PCDHA9: variants seen among roughly 807,000 people sequenced by gnomAD.
PCDHA9 encodes the protein protocadherin alpha-9.
A neutral mutation model predicts 62.0 loss-of-function variants in PCDHA9; 62 were observed. The ratio of observed to expected loss-of-function variants is 1.00; its 90% CI spans 0.81 to 1.23. The LOEUF (loss-of-function observed/expected upper bound fraction) is 1.23, where lower values mean the gene tolerates loss of function less well. Ranked by LOEUF, PCDHA9 falls within the 50% of genes most tolerant of loss-of-function variation. PCDHA9 has a pLI of 0.00. For missense variants in PCDHA9, 1,205 were observed against 1,249.8 expected (o/e 0.96, Z 0.54); for synonymous variants, 557 against 567.6 (o/e 0.98, Z 0.27).
intron 1 of PCDHA9, among the ~76,000 whole-genome samples, chr5:140,939,231 G>A (rs1305244022): frequency 6.6e-6 from 1 of 152,134 alleles, no homozygotes; most frequent in East Asian, 1.9e-4. Context: ...TCACCTTCTG[G>A]AAGGAGCAAG....
intron 3 of PCDHA9, among the ~76,000 whole-genome samples, chr5:140,994,821 T>C (rs2097651680): frequency 6.6e-6 from 1 of 152,052 alleles, no homozygotes. Flanking sequence ...AAAAACTGAA[T>C]TGTGTAGTCT....
chr5:140,911,420 C>T (rs1411930717), intron 1 of PCDHA9, among the ~76,000 whole-genome samples: 1 of 152,134 alleles, frequency 6.6e-6, no homozygotes, highest in Non-Finnish European at 1.5e-5. Context: ...ATGATAAGAA[C>T]TTGTGTCCAA....
chr5:140,900,768 T>A (rs1554189412), intron 1 of PCDHA9, among the ~76,000 whole-genome samples: 2 of 152,192 alleles, frequency 1.3e-5, no homozygotes, highest in Non-Finnish European at 1.5e-5. Context: ...TATTTTTGGC[T>A]TTTTGAGGAA....
At chr5:140,917,370 C>T (rs571895312) in intron 1 of PCDHA9, among the ~76,000 whole-genome samples, 1 of 150,338 alleles carries the variant, frequency 6.7e-6, no homozygotes, top group Non-Finnish European at 1.5e-5. Context: ...CTATCTTGCT[C>T]CACCTCAATA....
intron 1 of PCDHA9, among the ~76,000 whole-genome samples, chr5:140,974,022 A>G (rs1348109814): frequency 2.0e-5 from 3 of 152,248 alleles, no homozygotes; most frequent in African/African-American, 4.8e-5. Context: ...TGATAATACA[A>G]CTATAAATTT....
intron 1 of PCDHA9, among the ~76,000 whole-genome samples, chr5:140,873,284 T>C (rs1554166661): frequency 1.3e-5 from 2 of 152,208 alleles, no homozygotes; most frequent in Non-Finnish European, 2.9e-5. Context: ...ATACCACTTA[T>C]GAAACTTTAT....
chr5:140,911,343 C>G (rs1223805451), intron 1 of PCDHA9, among the ~76,000 whole-genome samples: 1 of 152,136 alleles, frequency 6.6e-6, no homozygotes, highest in African/African-American at 2.4e-5. Flanking sequence ...CAATCAATGC[C>G]CTCATTTCAA....
At chr5:140,896,346 G>A (rs1466880160) in intron 1 of PCDHA9, among the ~76,000 whole-genome samples, 17 of 151,992 alleles carry the variant, frequency 1.1e-4, no homozygotes, top group African/African-American at 3.4e-4. Flanking sequence ...TTATATTCCC[G>A]CCAGCAGTGT....
At chr5:140,973,088 A>G (rs2096571573) in intron 1 of PCDHA9, among the ~76,000 whole-genome samples, 4 of 152,204 alleles carry the variant, frequency 2.6e-5, no homozygotes, top group African/African-American at 7.2e-5. Flanking sequence ...CTGGCACAAC[A>G]TGTAGAAATT....
At chr5:140,944,344 C>T (rs567913669) in intron 1 of PCDHA9, among the ~76,000 whole-genome samples, 5 of 152,238 alleles carry the variant, frequency 3.3e-5, no homozygotes, top group Admixed American at 2.0e-4. Context: ...CGTGCCACCA[C>T]ACCTGGCTAA....
chr5:140,858,944 T>TA (rs2045667793), intron 1 of PCDHA9: 1 of 159,332 alleles, frequency 6.3e-6, no homozygotes, highest in Admixed American at 6.4e-5. Context: ...TGTTCAGTGA[T>TA]TACAGCTTTT....
At position 140,852,782 on chromosome 5, in the gene PCDHA9, A is replaced by T. The variant is rs2042471437; in HGVS notation, c.2394+1893A>T. ...GTATCTGATTATTTGATGTGAATAG[A>T]GGGATGCTACAGATGTCATTTGTCT... On this transcript the variant is annotated intron_variant, in intron 1 of 3. Transcript: ENST00000532602. 4 of 979,406 alleles carry T rather than the reference A, an allele frequency of 4.1e-6. No homozygotes were observed. In the South Asian group the frequency reaches 1.9e-4, roughly 47 times the overall value. 60.7% of individuals were successfully genotyped at this position (979,406 alleles called of 1,614,324 possible). A position where few individuals can be genotyped will look rare whatever the true frequency, so the allele number is the denominator to read the frequency against.
chr5:140,908,949 G>A (rs2074237561), intron 1 of PCDHA9, among the ~76,000 whole-genome samples: 1 of 152,144 alleles, frequency 6.6e-6, no homozygotes, highest in South Asian at 2.1e-4. Context: ...CTTCACCTTA[G>A]AAGGAATATC....
chr5:140,953,851 GC>G (rs1458424600), intron 1 of PCDHA9, among the ~76,000 whole-genome samples: 6 of 152,108 alleles, frequency 3.9e-5, no homozygotes, highest in African/African-American at 1.2e-4. Context: ...GTAAACATGT[GC>G]CATGGTGGTT....
intron 1 of PCDHA9, among the ~76,000 whole-genome samples, chr5:140,899,543 G>C (rs1231734616): frequency 1.3e-5 from 2 of 152,144 alleles, no homozygotes; most frequent in Non-Finnish European, 2.9e-5. Flanking sequence ...CTTGATCATG[G>C]TGGATAAGCT....
chr5:140,968,326 C>G (rs1554230623), intron 1 of PCDHA9: 1 of 1,614,058 alleles, frequency 6.2e-7, no homozygotes, highest in Non-Finnish European at 8.5e-7. Context: ...CAGTCACCTC[C>G]TATGTCTCCA....
chr5:140,965,242 A>T (rs1373643411), intron 1 of PCDHA9, among the ~76,000 whole-genome samples: 2 of 152,196 alleles, frequency 1.3e-5, no homozygotes, highest in African/African-American at 4.8e-5. Context: ...GGGAAGAGTG[A>T]ATATTCAGAA....
At chr5:140,871,116 C>T (rs200344692) in intron 1 of PCDHA9, 44 of 1,613,146 alleles carry the variant, frequency 2.7e-5, no homozygotes, top group Non-Finnish European at 3.6e-5. Flanking sequence ...TGGTGGAGAG[C>T]GGACAGGCGC....
rs1472597239 is a variant in PCDHA9, at chr5:140,928,524, TG to T, written c.2395-50424del. 16 of 1,614,070 alleles carry T rather than the reference TG, an allele frequency of 9.9e-6. No individual in the cohort carries two copies. The African/African-American group carries it at 2.1e-4, about 22-fold the overall frequency. On this transcript the variant is annotated intron_variant, in intron 1 of 3. Transcript: ENST00000532602. Reference sequence around the variant, plus strand: ...GTGCAACAGTGACTATAAACTTGTTTGTGGTAGATAGGAATGACAATTATCC... The same window carrying T: ...GTGCAACAGTGACTATAAACTTGTTTTGGTAGATAGGAATGACAATTATCC...
Sources: gnomAD v4.1 joint callset for allele counts (sites outside exome capture counted in the v4.1 genomes callset) on GRCh38, gnomAD v4.1.1 for gene constraint, MANE v1.5 for transcripts, NCBI Gene and HGNC (gene_info 2026-07-23, HGNC 2026-07-21) for gene names.